Variants in ZFAND3 observed in about 807,000 individuals in gnomAD.
The protein encoded by ZFAND3 is AN1-type zinc finger protein 3.
Under a neutral mutation model 29.6 loss-of-function variants are expected in ZFAND3, and 10 were observed. That is an observed-to-expected ratio of 0.34 (90% CI 0.21 to 0.57). The LOEUF is 0.57. Among genes scored for constraint, ZFAND3 ranks in the 20% least tolerant of loss-of-function variants. The pLI, the probability that ZFAND3 is intolerant of heterozygous loss-of-function variation, is 0.86. For missense variants in ZFAND3, 230 were observed against 304.5 expected (o/e 0.76, Z 1.82); for synonymous variants, 128 against 112.6 (o/e 1.14, Z -0.87).
intron 1 of ZFAND3, among the ~76,000 whole-genome samples, chr6:37,900,258 A>G (rs767110041): frequency 6.6e-6 from 1 of 152,080 alleles, no homozygotes; most frequent in Non-Finnish European, 1.5e-5. Context: ...TAATGTTTTT[A>G]TTTATAACTT....
At position 38,040,227 on chromosome 6, in the gene ZFAND3, A is replaced by G. The variant is rs149150339; in HGVS notation, c.113-21366A>G. ...TTGTAGTGACTATTCTTGCATACAC[A>G]TCTTTTAAAATTTTTAAAAATTCAT... On this transcript the variant is annotated intron_variant, in intron 2 of 5. Coordinates refer to ENST00000287218, the MANE Select transcript of ZFAND3 (RefSeq NM_021943.3). Among the ~76,000 whole-genome samples, 18 of 152,282 alleles carry G rather than the reference A, an allele frequency of 1.2e-4. 1 individual carries two copies. In the East Asian group the frequency reaches 3.5e-3, roughly 29 times the overall value.
intron 2 of ZFAND3, among the ~76,000 whole-genome samples, chr6:38,027,046 G>C (rs1763465049): frequency 6.6e-6 from 1 of 152,168 alleles, no homozygotes; most frequent in African/African-American, 2.4e-5. Flanking sequence ...ATTTTCCCCA[G>C]TCCACGAAGA....
In ZFAND3 at chr6:38,034,176, G is replaced by C. The variant is rs74936558; in HGVS notation, c.113-27417G>C. 9.4e-3 allele frequency among the ~76,000 whole-genome samples: 1,433 copies of C among 152,276 alleles called. 27 individuals are homozygous for C. The highest frequency in any genetic ancestry group is 0.032 in the African/African-American group (1,336 of 41,564). ...CTTTTGTGTGAACTTAAATGTGCCA[G>C]ATTGCATCTACAGTGTTTTTATTTA... On this transcript the variant is annotated intron_variant, in intron 2 of 5. Transcript: ENST00000287218.
chr6:37,877,371 T>C (rs1365296471), intron 1 of ZFAND3, among the ~76,000 whole-genome samples: 1 of 152,224 alleles, frequency 6.6e-6, no homozygotes, highest in African/African-American at 2.4e-5. Flanking sequence ...TTTTTGTTTT[T>C]GTTTTTTAAT....
Position 38,007,008 on chromosome 6 carries a change from TGTTA to T in ZFAND3, c.113-54581_113-54578del. Among the ~76,000 whole-genome samples the T allele has an allele frequency of 1.3e-5, 2 of 152,208 alleles. 1 individual carries two copies. Among genetic ancestry groups the T allele is most frequent in the Non-Finnish European group, 2.9e-5 (2 of 68,038 alleles). Reference sequence around the variant, plus strand: ...GAGGTGTGGAGAAGTTATTTGAATTTGTTAGTTCTCAGATTTTTTTATCAGGGTA... The same window carrying T: ...GAGGTGTGGAGAAGTTATTTGAATTTGTTCTCAGATTTTTTTATCAGGGTA... On this transcript the variant is annotated intron_variant, in intron 2 of 5. Coordinates refer to ENST00000287218, the MANE Select transcript of ZFAND3 (RefSeq NM_021943.3).
chr6:37,994,118 C>CTGTGTGTG (rs10535939), intron 2 of ZFAND3, among the ~76,000 whole-genome samples: 9,999 of 150,656 alleles, frequency 0.066, 384 homozygotes, highest in Non-Finnish European at 0.086. Context: ...GAGTGTGTGT[C>CTGTGTGTG]TGTGTGTGTG....
chr6:37,854,896 A>ACT (rs1764349677), intron 1 of ZFAND3, among the ~76,000 whole-genome samples: 1 of 148,978 alleles, frequency 6.7e-6, no homozygotes, highest in African/African-American at 2.5e-5. Context: ...CTAATAAGTT[A>ACT]GTAATGAGTA....
At chr6:37,834,784 C>A (rs999300670) in intron 1 of ZFAND3, among the ~76,000 whole-genome samples, 5 of 149,206 alleles carry the variant, frequency 3.4e-5, no homozygotes, top group Admixed American at 6.6e-5. Context: ...ATGCATATAT[C>A]ATGCATATAT....
intron 5 of ZFAND3, among the ~76,000 whole-genome samples, chr6:38,125,248 C>T (rs12215173): frequency 6.6e-6 from 1 of 152,204 alleles, no homozygotes; most frequent in African/African-American, 2.4e-5. Context: ...GTGTTCCAGT[C>T]TAAAACCAGA....
intron 3 of ZFAND3, 50 bp downstream of exon 3, chr6:38,061,825 T>G (rs189656775): frequency 1.3e-6 from 2 of 1,586,282 alleles, no homozygotes; most frequent in Admixed American, 3.5e-5. Context: ...TTAAGAACTT[T>G]AGATGAGCAT....
intron 3 of ZFAND3, among the ~76,000 whole-genome samples, chr6:38,067,941 T>TG (rs1238080676): frequency 6.6e-6 from 1 of 152,134 alleles, no homozygotes; most frequent in Non-Finnish European, 1.5e-5. Context: ...TGGAGGTGTT[T>TG]GGGGGGTCAT....
chr6:38,006,149 G>A (rs1448705816), intron 2 of ZFAND3, among the ~76,000 whole-genome samples: 1 of 152,184 alleles, frequency 6.6e-6, no homozygotes. Flanking sequence ...CCAGAAAAAG[G>A]TAATCATCTT....
At chr6:37,968,587 G>A (rs533832615) in intron 2 of ZFAND3, among the ~76,000 whole-genome samples, 1 of 152,102 alleles carries the variant, frequency 6.6e-6, no homozygotes, top group Admixed American at 6.5e-5. Context: ...TTCAGAGTGA[G>A]AACTGGGACA....
intron 2 of ZFAND3, among the ~76,000 whole-genome samples, chr6:38,013,300 C>G (rs1186316987): frequency 1.3e-5 from 2 of 152,206 alleles, no homozygotes; most frequent in African/African-American, 4.8e-5. Flanking sequence ...TCCTTTGATT[C>G]TACTTCAGTC....
At chr6:38,090,635 G>A (rs1163080125) in intron 4 of ZFAND3, among the ~76,000 whole-genome samples, 1 of 152,126 alleles carries the variant, frequency 6.6e-6, no homozygotes, top group Non-Finnish European at 1.5e-5. Context: ...ACAGTGTGTG[G>A]GTTTTGGCCA....
At chr6:38,120,972 T>A (rs1178566880) in intron 5 of ZFAND3, among the ~76,000 whole-genome samples, 1 of 152,228 alleles carries the variant, frequency 6.6e-6, no homozygotes, top group Non-Finnish European at 1.5e-5. Context: ...AATCTGAATA[T>A]GCAGAAAGCA....
At chr6:37,830,791 G>A (rs939541072) in intron 1 of ZFAND3, among the ~76,000 whole-genome samples, 2 of 151,594 alleles carry the variant, frequency 1.3e-5, no homozygotes, top group African/African-American at 4.8e-5. Flanking sequence ...CTTGCCCATC[G>A]TCTGTTTAAC....
chr6:37,993,126 G>A (rs1301749437), intron 2 of ZFAND3, among the ~76,000 whole-genome samples: 9 of 151,888 alleles, frequency 5.9e-5, no homozygotes, highest in Admixed American at 2.6e-4. Context: ...AATCTGGTGA[G>A]TTCAATCTCA....
intron 1 of ZFAND3, among the ~76,000 whole-genome samples, chr6:37,857,919 G>A (rs899640474): frequency 6.6e-6 from 1 of 152,142 alleles, no homozygotes; most frequent in Non-Finnish European, 1.5e-5. Context: ...TTAACTTCAG[G>A]AATGGGCCTT....
Sources: gnomAD v4.1 joint callset for allele counts (sites outside exome capture counted in the v4.1 genomes callset) on GRCh38, gnomAD v4.1.1 for gene constraint, MANE v1.5 for transcripts, NCBI Gene and HGNC (gene_info 2026-07-23, HGNC 2026-07-21) for gene names.